The following DTNBP1 variants were observed in gnomAD, a reference collection of about 807,000 sequenced individuals.
The protein encoded by DTNBP1 is dystrobrevin binding protein 1.
DTNBP1 carries 35 observed loss-of-function variants against 42.8 expected under a neutral mutation model. That is an observed-to-expected ratio of 0.82 (90% CI 0.63 to 1.09). The LOEUF (loss-of-function observed/expected upper bound fraction) is 1.09, where lower values mean the gene tolerates loss of function less well. Among genes scored for constraint, DTNBP1 ranks in the 50% least tolerant of loss-of-function variants. The pLI is 0.00. For synonymous variants in DTNBP1, 171 were observed against 162.2 expected (o/e 1.05, Z -0.41); for missense variants, 457 against 424.2 (o/e 1.08, Z -0.68).
chr6:15,597,492 A>G (rs1327045652), intron 6 of DTNBP1, among the ~76,000 whole-genome samples: 2 of 152,230 alleles, frequency 1.3e-5, no homozygotes, highest in Non-Finnish European at 2.9e-5. Context: ...AAACTGTGTT[A>G]TTAGCATAAA....
At chr6:15,641,833 A>G (rs535719182) in intron 3 of DTNBP1, among the ~76,000 whole-genome samples, 1 of 152,314 alleles carries the variant, frequency 6.6e-6, no homozygotes, top group African/African-American at 2.4e-5. Flanking sequence ...TGCGTGGGCC[A>G]TCCCTAAGTG....
At chr6:15,618,807 C>T (rs1198450455) in intron 5 of DTNBP1, among the ~76,000 whole-genome samples, 2 of 151,938 alleles carry the variant, frequency 1.3e-5, no homozygotes, top group Non-Finnish European at 2.9e-5. Flanking sequence ...ACACAATAGC[C>T]GAGATATGAA....
chr6:15,648,822 C>A (rs894971025), intron 3 of DTNBP1, among the ~76,000 whole-genome samples: 3 of 152,104 alleles, frequency 2.0e-5, no homozygotes, highest in Non-Finnish European at 4.4e-5. Flanking sequence ...TGACCAGATT[C>A]AATTTAATCC....
At chr6:15,574,431 A>C (rs1434767948) in intron 7 of DTNBP1, among the ~76,000 whole-genome samples, 1 of 152,250 alleles carries the variant, frequency 6.6e-6, no homozygotes, top group Non-Finnish European at 1.5e-5. Flanking sequence ...AGTGAGGCTG[A>C]GCAGGGAAGG....
chr6:15,529,363 AT>A (rs1372298990), intron 8 of DTNBP1, among the ~76,000 whole-genome samples: 1 of 152,252 alleles, frequency 6.6e-6, no homozygotes, highest in Non-Finnish European at 1.5e-5. Flanking sequence ...CAATGAATAA[AT>A]TACATTTATT....
intron 3 of DTNBP1, among the ~76,000 whole-genome samples, chr6:15,646,321 G>A (rs900943670): frequency 5.3e-5 from 8 of 151,028 alleles, no homozygotes; most frequent in Admixed American, 4.0e-4. Flanking sequence ...CCAAGGAAGT[G>A]AAAGATCTCT....
intron 4 of DTNBP1, among the ~76,000 whole-genome samples, chr6:15,631,068 T>C (rs1207481756): frequency 6.6e-6 from 1 of 152,210 alleles, no homozygotes; most frequent in Non-Finnish European, 1.5e-5. Flanking sequence ...CAAGATGGAA[T>C]TGTCCAAAAG....
At chr6:15,534,373 C>T (rs777094264) in intron 7 of DTNBP1, among the ~76,000 whole-genome samples, 5 of 152,214 alleles carry the variant, frequency 3.3e-5, no homozygotes, top group Middle Eastern at 3.4e-3. Flanking sequence ...GGAACAGGGC[C>T]GGGCGCGGTG....
At chr6:15,577,385 G>A (rs1405343314) in intron 7 of DTNBP1, among the ~76,000 whole-genome samples, 1 of 152,230 alleles carries the variant, frequency 6.6e-6, no homozygotes, top group African/African-American at 2.4e-5. Flanking sequence ...ATGCCCGCAC[G>A]GCAGCCCAGA....
chr6:15,611,566 G>T (rs1364854878), intron 6 of DTNBP1, among the ~76,000 whole-genome samples: 1 of 152,166 alleles, frequency 6.6e-6, no homozygotes, highest in Admixed American at 6.5e-5. Flanking sequence ...ACGGATCTAG[G>T]TCAACTGAAA....
At chr6:15,656,548 TA>T (rs1761292236) in intron 1 of DTNBP1, among the ~76,000 whole-genome samples, 1 of 151,948 alleles carries the variant, frequency 6.6e-6, no homozygotes, top group Non-Finnish European at 1.5e-5. Flanking sequence ...TAAAAGGATG[TA>T]AATAAGCCTG....
In DTNBP1 at chr6:15,529,552, A is replaced by C. The variant is rs141408564; in HGVS notation, c.667+3688T>G. On this transcript the variant is annotated intron_variant, in intron 8 of 9. Coordinates refer to ENST00000344537, the MANE Select transcript of DTNBP1 (RefSeq NM_032122.5). ...GTTCTCTTCCCAGGGCACTGGGTCC[A>C]CGCTGGAGCATCCCAGAGCTGATCA... 9.2e-4 allele frequency among the ~76,000 whole-genome samples: 140 copies of C among 152,300 alleles called. 1 individual carries two copies. In the East Asian group the frequency reaches 0.019, roughly 20 times the overall value.
chr6:15,523,474 A>C, intron 9 of DTNBP1: 1 of 1,295,548 alleles, frequency 7.7e-7, no homozygotes, highest in Non-Finnish European at 1.0e-6. Context: ...AGTGCTCCTA[A>C]GGCTGTAATA....
At chr6:15,629,734 T>A (rs1759576128) in intron 4 of DTNBP1, among the ~76,000 whole-genome samples, 1 of 152,168 alleles carries the variant, frequency 6.6e-6, no homozygotes, top group African/African-American at 2.4e-5. Context: ...ATAACCTCCA[T>A]TATACAGATT....
intron 7 of DTNBP1, among the ~76,000 whole-genome samples, chr6:15,591,229 C>T (rs1203511430): frequency 1.3e-5 from 2 of 151,904 alleles, no homozygotes; most frequent in Non-Finnish European, 2.9e-5. Flanking sequence ...CCTGCCTTAG[C>T]CTCCTGAGTA....
intron 3 of DTNBP1, among the ~76,000 whole-genome samples, chr6:15,649,296 A>G (rs1196320070): frequency 6.6e-6 from 1 of 152,210 alleles, no homozygotes; most frequent in Non-Finnish European, 1.5e-5. Flanking sequence ...TAAACAAAAT[A>G]TGGTACATAC....
At chr6:15,643,163 A>G (rs1760473870) in intron 3 of DTNBP1, among the ~76,000 whole-genome samples, 1 of 152,230 alleles carries the variant, frequency 6.6e-6, no homozygotes, top group South Asian at 2.1e-4. Flanking sequence ...GAATTTTAAA[A>G]TATAGTTAAT....
chr6:15,543,961 C>G (rs191748716), intron 7 of DTNBP1, among the ~76,000 whole-genome samples: 2 of 152,278 alleles, frequency 1.3e-5, no homozygotes, highest in East Asian at 3.9e-4. Context: ...CTGGTGTGCT[C>G]TCGCCATTGT....
At chr6:15,599,911 G>C (rs1409649112) in intron 6 of DTNBP1, among the ~76,000 whole-genome samples, 1 of 152,008 alleles carries the variant, frequency 6.6e-6, no homozygotes, top group Non-Finnish European at 1.5e-5. Context: ...TCCTTAAAGA[G>C]CCATCCTACC....
Sources: allele counts gnomAD v4.1 joint callset (sites outside exome capture counted in the v4.1 genomes callset), GRCh38; gene constraint gnomAD v4.1.1; transcripts MANE v1.5; gene names NCBI Gene and HGNC (gene_info 2026-07-23, HGNC 2026-07-21).